TNR: variants seen among roughly 807,000 people sequenced by gnomAD.
The protein encoded by TNR is tenascin-R.
Under a neutral mutation model 150.4 loss-of-function variants are expected in TNR, and 45 were observed. That is an observed-to-expected ratio of 0.30 (90% confidence interval 0.24 to 0.38). The LOEUF (loss-of-function observed/expected upper bound fraction) is 0.38, where lower values mean the gene tolerates loss of function less well. Among genes scored for constraint, TNR ranks in the 10% least tolerant of loss-of-function variants. The pLI is 1.00. For synonymous variants in TNR, 687 were observed against 678.4 expected, an observed-to-expected ratio of 1.01 and a Z score of -0.20; for missense variants, 1,544 against 1,759.1, an observed-to-expected ratio of 0.88 and a Z score of 2.19.
At chr1:175,738,898 G>A (rs1667846683) in intron 1 of TNR, among the ~76,000 whole-genome samples, 1 of 152,194 alleles carries the variant, frequency 6.6e-6, no homozygotes, top group Non-Finnish European at 1.5e-5. Context: ...ATCTTTATTA[G>A]CATAGCACAT....
At chr1:175,650,128 T>C (rs890577556) in intron 1 of TNR, among the ~76,000 whole-genome samples, 2 of 152,200 alleles carry the variant, frequency 1.3e-5, no homozygotes, top group Non-Finnish European at 2.9e-5. Context: ...TCAATGTTTA[T>C]TGGGAGGCTG....
intron 6 of TNR, among the ~76,000 whole-genome samples, chr1:175,393,412 C>G (rs1653269388): frequency 6.6e-6 from 1 of 152,188 alleles, no homozygotes; most frequent in East Asian, 1.9e-4. Context: ...TGGATTCAGC[C>G]TGGCTTTTCT....
chr1:175,483,878 C>T (rs1377640473), intron 2 of TNR, among the ~76,000 whole-genome samples: 1 of 152,160 alleles, frequency 6.6e-6, no homozygotes, highest in Non-Finnish European at 1.5e-5. Flanking sequence ...GTCACCTACC[C>T]CTCTTGCTGC....
intron 2 of TNR, among the ~76,000 whole-genome samples, chr1:175,504,363 G>A (rs1658864584): frequency 6.6e-6 from 1 of 152,086 alleles, no homozygotes; most frequent in African/African-American, 2.4e-5. Flanking sequence ...GAGGCTTCAA[G>A]AGGTTGGATA....
At chr1:175,391,168 G>C (rs1331900467) in intron 7 of TNR, 120 bp downstream of exon 7, 1 of 1,296,078 alleles carries the variant, frequency 7.7e-7, no homozygotes, top group East Asian at 2.3e-5. Context: ...TACCAGAATT[G>C]TCCCAGCTCT....
At chr1:175,342,186 T>TTGA in intron 18 of TNR, among the ~76,000 whole-genome samples, 2 of 152,172 alleles carry the variant, frequency 1.3e-5, no homozygotes, top group Non-Finnish European at 2.9e-5. Flanking sequence ...GAGCTCTAAG[T>TTGA]GCTCTGGGAA....
chr1:175,333,594 TATTG>T (rs1372782342), intron 20 of TNR: 1 of 152,246 alleles, frequency 6.6e-6, no homozygotes, highest in African/African-American at 2.4e-5. Context: ...TTGATTGATT[TATTG>T]ATTATCTACA....
chr1:175,547,919 C>G (rs1266424249), intron 1 of TNR, among the ~76,000 whole-genome samples: 1 of 152,106 alleles, frequency 6.6e-6, no homozygotes, highest in African/African-American at 2.4e-5. Context: ...GCTCTGTCAA[C>G]AATTAAAGTC....
intron 2 of TNR, among the ~76,000 whole-genome samples, chr1:175,434,206 GC>G (rs1174367466): frequency 6.6e-6 from 1 of 152,174 alleles, no homozygotes; most frequent in African/African-American, 2.4e-5. Flanking sequence ...TTTCCAGAGA[GC>G]AGGCGTGAGG....
At chr1:175,655,364 A>G (rs1665139885) in intron 1 of TNR, among the ~76,000 whole-genome samples, 1 of 152,210 alleles carries the variant, frequency 6.6e-6, no homozygotes, top group African/African-American at 2.4e-5. Context: ...CAGTGAAAAA[A>G]ATTTATTTAA....
chr1:175,440,209 G>A (rs34605676), intron 2 of TNR, among the ~76,000 whole-genome samples: 1 of 151,940 alleles, frequency 6.6e-6, no homozygotes, highest in Non-Finnish European at 1.5e-5. Context: ...AAGATGATGA[G>A]TTCATGTCCT....
chr1:175,700,917 T>C (rs1666674942), intron 1 of TNR, among the ~76,000 whole-genome samples: 1 of 152,172 alleles, frequency 6.6e-6, no homozygotes, highest in Non-Finnish European at 1.5e-5. Context: ...TTCGTCCGCC[T>C]CCCCGAGCCT....
At chr1:175,421,729 C>T (rs577012430) in intron 2 of TNR, among the ~76,000 whole-genome samples, 8 of 152,306 alleles carry the variant, frequency 5.3e-5, no homozygotes, top group African/African-American at 1.4e-4. Flanking sequence ...TGACCAAAAA[C>T]GTGGGACTGG....
intron 2 of TNR, among the ~76,000 whole-genome samples, chr1:175,499,037 A>G (rs1645738579): frequency 1.3e-5 from 2 of 152,218 alleles, no homozygotes; most frequent in South Asian, 2.1e-4. Flanking sequence ...AAGAAAACCT[A>G]TGAAAGTCGA....
intron 2 of TNR, among the ~76,000 whole-genome samples, chr1:175,510,367 A>G (rs59618887): frequency 0.042 from 5,312 of 126,098 alleles, 295 homozygotes; most frequent in African/African-American, 0.13. Context: ...TGCCCAAAGC[A>G]AAGAAAAAAA....
chr1:175,380,754 G>A lies in TNR; in HGVS notation c.1778-1017C>T, dbSNP rs114614291. Among the ~76,000 whole-genome samples the A allele has an allele frequency of 2.2e-3, 341 of 152,246 alleles. 1 individual carries two copies. The highest frequency in any genetic ancestry group is 6.6e-3 in the African/African-American group (273 of 41,548). Reference sequence around the variant, plus strand: ...CCTCAAGCTGCTTTGGGCAGAAACAGCATAAACAACTTGCAGTGCAATAAC... The same window carrying A: ...CCTCAAGCTGCTTTGGGCAGAAACAACATAAACAACTTGCAGTGCAATAAC... On this transcript the variant is annotated intron_variant, in intron 8 of 22. Coordinates refer to ENST00000367674, the MANE Select transcript of TNR (RefSeq NM_003285.3).
chr1:175,402,276 C>T (rs1459816295), intron 4 of TNR, among the ~76,000 whole-genome samples: 4 of 127,430 alleles, frequency 3.1e-5, no homozygotes, highest in Non-Finnish European at 6.3e-5. Flanking sequence ...CACTGCAGTC[C>T]GCAATCCGGC....
intron 1 of TNR, among the ~76,000 whole-genome samples, chr1:175,716,172 CTCTTT>C (rs1667151121): frequency 6.6e-6 from 1 of 152,218 alleles, no homozygotes; most frequent in African/African-American, 2.4e-5. Context: ...TCTTCTCTTT[CTCTTT>C]TGTGTCTCAA....
chr1:175,373,709 A>G (rs1652207517), intron 9 of TNR, among the ~76,000 whole-genome samples: 1 of 152,200 alleles, frequency 6.6e-6, no homozygotes, highest in East Asian at 1.9e-4. Flanking sequence ...GAGCATCCCT[A>G]TTCTGGGTTG....
Sources: gnomAD v4.1 joint callset for allele counts (sites outside exome capture counted in the v4.1 genomes callset) on GRCh38, gnomAD v4.1.1 for gene constraint, MANE v1.5 for transcripts, NCBI Gene and HGNC (gene_info 2026-07-23, HGNC 2026-07-21) for gene names.